ERN1: variants seen among roughly 807,000 people sequenced by gnomAD.
ERN1 encodes serine/threonine-protein kinase/endoribonuclease IRE1.
In ERN1, 39 loss-of-function variants were observed where a neutral mutation model predicts 113.1. The observed-to-expected ratio is 0.34, with a 90% CI of 0.27 to 0.45. The LOEUF (loss-of-function observed/expected upper bound fraction) is 0.45. Ranked by LOEUF, ERN1 falls within the 20% of genes least tolerant of loss-of-function variation. The probability of loss-of-function intolerance (pLI) is 1.00; values close to 1 mark genes in which losing one functional copy is unlikely to be tolerated. For missense variants in ERN1, 976 were observed against 1,274.8 expected (o/e 0.77, Z 3.57); for synonymous variants, 507 against 515.9 (o/e 0.98, Z 0.23).
At chr17:64,058,024 C>T in intron 11 of ERN1, 31 bp from the exon 12 acceptor site, 1 of 1,485,060 alleles carries the variant, frequency 6.7e-7, no homozygotes. Context: ...GACATCACTG[C>T]AAAATTTCTA....
chr17:64,098,335 TA>T (rs1914287685), intron 1 of ERN1, 94 bp from the exon 2 acceptor site: 2 of 1,451,448 alleles, frequency 1.4e-6, no homozygotes, highest in South Asian at 2.3e-5. Flanking sequence ...GTTATCCTAC[TA>T]AAACCCTCCA....
At chr17:64,082,713 T>G (rs1195434975) in intron 2 of ERN1, among the ~76,000 whole-genome samples, 1 of 152,190 alleles carries the variant, frequency 6.6e-6, no homozygotes, top group African/African-American at 2.4e-5. Context: ...CTATAGCTTA[T>G]CCACTGGTCA....
Position 64,098,023 on chromosome 17 carries a change from A to C in ERN1, c.175+98T>G, listed in dbSNP as rs1234119269. 6 of 1,417,918 alleles carry C rather than the reference A, an allele frequency of 4.2e-6. 1 individual carries two copies. Among genetic ancestry groups the C allele is most frequent in the Middle Eastern group, 2.1e-4 (1 of 4,726 alleles). The allele number at this position is 1,417,918 out of a possible 1,614,324, so 87.8% of individuals were successfully genotyped here. A position where few individuals can be genotyped will look rare whatever the true frequency, so the allele number is the denominator to read the frequency against. On this transcript the variant is annotated intron_variant, in intron 2 of 21. Transcript: ENST00000433197. ...TTCTTCTTTATTTCTTATTTATTTT[A>C]TTAGATAATGAGTAATGTTTTCTCT...
At chr17:64,103,271 C>T (rs145744891) in intron 1 of ERN1, among the ~76,000 whole-genome samples, 2 of 151,956 alleles carry the variant, frequency 1.3e-5, no homozygotes, top group East Asian at 1.9e-4. Context: ...CCGAGGTGGG[C>T]GGATCACTTG....
At position 64,043,982 on chromosome 17, in the gene ERN1, C is replaced by A. The variant is rs368828989; in HGVS notation, c.*6G>T. Reference sequence around the variant, plus strand: ...GGGGCCACCAGAACAGAGGGGCCGCCCTCGCTCAGAGGGCGTCTGGAGTCA... The same window carrying A: ...GGGGCCACCAGAACAGAGGGGCCGCACTCGCTCAGAGGGCGTCTGGAGTCA... On this transcript the variant is annotated 3_prime_UTR_variant, in exon 22 of 22. Transcript: ENST00000433197. 6.3e-7 allele frequency: 1 copy of A among 1,598,822 alleles called. No individual in the cohort carries two copies. Among genetic ancestry groups the A allele is most frequent in the Non-Finnish European group, 8.6e-7 (1 of 1,168,734 alleles).
intron 2 of ERN1, among the ~76,000 whole-genome samples, chr17:64,087,375 C>G (rs1481597990): frequency 6.6e-6 from 1 of 152,222 alleles, no homozygotes; most frequent in African/African-American, 2.4e-5. Flanking sequence ...CCCAGTCCCA[C>G]TTGCAACTGC....
intron 5 of ERN1, among the ~76,000 whole-genome samples, chr17:64,072,525 C>T (rs569625861): frequency 1.3e-5 from 2 of 152,364 alleles, no homozygotes; most frequent in East Asian, 3.9e-4. Flanking sequence ...ATTTCTCAAC[C>T]TCCCTAATAA....
intron 12 of ERN1, among the ~76,000 whole-genome samples, chr17:64,056,169 C>T (rs1189701015): frequency 6.6e-6 from 1 of 152,152 alleles, no homozygotes; most frequent in African/African-American, 2.4e-5. Context: ...GCCCACTCCC[C>T]AACCCTAGGA....
chr17:64,064,584 C>T (rs576194061), intron 9 of ERN1, among the ~76,000 whole-genome samples: 13 of 152,264 alleles, frequency 8.5e-5, no homozygotes, highest in East Asian at 3.9e-4. Flanking sequence ...CAGAAGCAGC[C>T]GCCCAAATCA....
intron 11 of ERN1, among the ~76,000 whole-genome samples, chr17:64,058,831 T>C (rs533009220): frequency 1.3e-5 from 2 of 152,188 alleles, no homozygotes; most frequent in African/African-American, 4.8e-5. Flanking sequence ...AGAATGTTCT[T>C]CTCTCCCCTC....
At chr17:64,085,585 T>C (rs904408217) in intron 2 of ERN1, among the ~76,000 whole-genome samples, 2 of 152,114 alleles carry the variant, frequency 1.3e-5, no homozygotes, top group African/African-American at 2.4e-5. Flanking sequence ...ATATTCAAAC[T>C]AGCGCAGTTT....
intron 1 of ERN1, among the ~76,000 whole-genome samples, chr17:64,100,491 C>T (rs945859477): frequency 6.6e-6 from 1 of 152,134 alleles, no homozygotes; most frequent in Non-Finnish European, 1.5e-5. Flanking sequence ...GGAAATAAGG[C>T]CAGGCGTGGT....
intron 1 of ERN1, among the ~76,000 whole-genome samples, chr17:64,110,837 C>T (rs1281388879): frequency 1.3e-5 from 2 of 152,190 alleles, no homozygotes; most frequent in African/African-American, 4.8e-5. Context: ...GATTGGAAAG[C>T]ACAAGAAACT....
chr17:64,048,220 T>C (rs140457090), intron 18 of ERN1, among the ~76,000 whole-genome samples: 1 of 152,338 alleles, frequency 6.6e-6, no homozygotes, highest in African/African-American at 2.4e-5. Flanking sequence ...GTGGATACAC[T>C]ACGGTGCCTC....
At chr17:64,091,637 T>C (rs1347401321) in intron 2 of ERN1, among the ~76,000 whole-genome samples, 1 of 152,132 alleles carries the variant, frequency 6.6e-6, no homozygotes, top group Admixed American at 6.6e-5. Context: ...CAGGAGCTTG[T>C]CTAACATTGC....
intron 4 of ERN1, 23 bp from the exon 5 acceptor site, chr17:64,075,270 A>AAG: frequency 1.4e-6 from 2 of 1,406,426 alleles, no homozygotes; most frequent in Non-Finnish European, 1.9e-6. Context: ...AAAAAAAGAA[A>AAG]AAAAAAAGTT....
chr17:64,080,402 A>G (rs196949), intron 3 of ERN1: 182,712 of 185,964 alleles, frequency 0.98, 89,862 homozygotes, highest in East Asian at 1. Flanking sequence ...GGCTCTTACC[A>G]GTGCTATCCA....
chr17:64,039,990 G>A lies in ERN1; in HGVS notation c.*3998C>T, dbSNP rs1912287715. 1 of 152,210 alleles carries A rather than the reference G, an allele frequency of 6.6e-6. No homozygotes were observed. The highest frequency in any genetic ancestry group is 1.5e-5 in the Non-Finnish European group (1 of 68,052). 9.4% of individuals were successfully genotyped at this position (152,210 alleles called of 1,614,324 possible). On this transcript the variant is annotated 3_prime_UTR_variant, in exon 22 of 22. Coordinates refer to ENST00000433197, the MANE Select transcript of ERN1 (RefSeq NM_001433.5). ...CACTGTTTCATAAAGAAGGAGGGGAGTAGACCATTGGGTTTAAAAGATGAT... is the reference window on the plus strand; with the variant it reads ...CACTGTTTCATAAAGAAGGAGGGGAATAGACCATTGGGTTTAAAAGATGAT...
intron 1 of ERN1, chr17:64,098,507 C>T (rs753855313): frequency 4.8e-5 from 31 of 652,190 alleles, no homozygotes; most frequent in African/African-American, 3.2e-4. Context: ...CATGGGCAAC[C>T]TCCACTGAAA....
Sources: gnomAD v4.1 joint callset for allele counts (sites outside exome capture counted in the v4.1 genomes callset) on GRCh38, gnomAD v4.1.1 for gene constraint, MANE v1.5 for transcripts, NCBI Gene and HGNC (gene_info 2026-07-23, HGNC 2026-07-21) for gene names.